Variants in ERC2 observed in about 807,000 individuals in gnomAD.
ERC2 encodes the protein ELKS/RAB6-interacting/CAST family member 2, also known as ERC protein 2.
ERC2 carries 42 observed loss-of-function variants against 114.8 expected under a neutral mutation model. That is an observed-to-expected ratio of 0.37 (90% CI 0.29 to 0.47). ERC2 has a LOEUF of 0.47. ERC2 is among the 20% of genes least tolerant of loss of function. The pLI is 0.99. For missense variants in ERC2, 939 were observed against 1,150.7 expected (o/e 0.82, Z 2.66); for synonymous variants, 454 against 425.5 (o/e 1.07, Z -0.82).
intron 8 of ERC2, among the ~76,000 whole-genome samples, chr3:56,015,589 A>G (rs2073250096): frequency 1.3e-5 from 2 of 152,016 alleles, no homozygotes; most frequent in Non-Finnish European, 2.9e-5. Flanking sequence ...TATGTACCAC[A>G]TTTTCTTTAT....
chr3:56,270,040 T>A (rs2053559408), intron 3 of ERC2, among the ~76,000 whole-genome samples: 1 of 147,504 alleles, frequency 6.8e-6, no homozygotes, highest in Admixed American at 7.0e-5. Flanking sequence ...AAGGCACAGA[T>A]ATCTCCTCCC....
intron 17 of ERC2, among the ~76,000 whole-genome samples, chr3:55,553,605 C>G (rs891413848): frequency 1.3e-5 from 2 of 151,908 alleles, no homozygotes; most frequent in African/African-American, 4.8e-5. Flanking sequence ...ATGGTGAAAC[C>G]CTGTCTCTAC....
chr3:56,056,583 G>C (rs1576739474), intron 7 of ERC2, among the ~76,000 whole-genome samples: 2 of 152,182 alleles, frequency 1.3e-5, no homozygotes, highest in South Asian at 4.1e-4. Context: ...CCTTGTGAGA[G>C]AGTTGGGGCC....
intron 5 of ERC2, among the ~76,000 whole-genome samples, chr3:56,144,899 C>G (rs970128382): frequency 6.6e-6 from 1 of 152,114 alleles, no homozygotes. Context: ...TCTTTTACAG[C>G]CATAAATTCC....
chr3:55,537,770 G>A (rs1386007730), intron 17 of ERC2, among the ~76,000 whole-genome samples: 1 of 150,126 alleles, frequency 6.7e-6, no homozygotes, highest in Non-Finnish European at 1.5e-5. Context: ...TCTGCATGGA[G>A]GACACAGGTC....
intron 7 of ERC2, 125 bp from the exon 8 acceptor site, chr3:56,019,156 T>C (rs1283188896): frequency 2.7e-6 from 2 of 749,496 alleles, no homozygotes; most frequent in East Asian, 2.7e-5. Flanking sequence ...TGTCAGTAGC[T>C]TTGACTTAGA....
chr3:56,212,798 C>CAT (rs2049158455), intron 3 of ERC2, among the ~76,000 whole-genome samples: 1 of 151,652 alleles, frequency 6.6e-6, no homozygotes, highest in Non-Finnish European at 1.5e-5. Context: ...TACATATACA[C>CAT]ACACACACAC....
intron 17 of ERC2, among the ~76,000 whole-genome samples, chr3:55,679,658 AT>A (rs561084434): frequency 3.6e-4 from 55 of 152,362 alleles, no homozygotes; most frequent in Admixed American, 9.8e-4. Flanking sequence ...TTAGTAGCCA[AT>A]GGCACAAGAA....
At chr3:55,522,908 G>A (rs1387540372) in intron 17 of ERC2, among the ~76,000 whole-genome samples, 1 of 152,240 alleles carries the variant, frequency 6.6e-6, no homozygotes, top group East Asian at 1.9e-4. Context: ...GGGAATTTCT[G>A]TGCTGCTTTT....
At chr3:56,029,866 C>T (rs994672731) in intron 7 of ERC2, among the ~76,000 whole-genome samples, 7 of 151,904 alleles carry the variant, frequency 4.6e-5, no homozygotes, top group African/African-American at 9.7e-5. Flanking sequence ...TACTTAGTTT[C>T]GGTTTATTTT....
chr3:55,892,845 T>A (rs186974691), intron 13 of ERC2, among the ~76,000 whole-genome samples: 2 of 152,312 alleles, frequency 1.3e-5, no homozygotes, highest in African/African-American at 4.8e-5. Context: ...CCACTCCTCA[T>A]CTTCCTAAAA....
chr3:56,077,067 A>T (rs1280401689), intron 7 of ERC2, among the ~76,000 whole-genome samples: 3 of 152,210 alleles, frequency 2.0e-5, no homozygotes, highest in Non-Finnish European at 4.4e-5. Context: ...AGCTTATGCT[A>T]TTCCAATCCA....
intron 2 of ERC2, among the ~76,000 whole-genome samples, chr3:56,410,861 T>C (rs1182011240): frequency 6.6e-6 from 1 of 152,090 alleles, no homozygotes; most frequent in Non-Finnish European, 1.5e-5. Flanking sequence ...TGTCTTCCAC[T>C]ATGTTCCCAA....
At chr3:56,203,457 G>T (rs2048520959) in intron 3 of ERC2, among the ~76,000 whole-genome samples, 1 of 152,122 alleles carries the variant, frequency 6.6e-6, no homozygotes, top group Non-Finnish European at 1.5e-5. Flanking sequence ...CAATTATTAA[G>T]TTATCGTATA....
intron 7 of ERC2, among the ~76,000 whole-genome samples, chr3:56,022,187 T>C (rs1176403989): frequency 6.6e-6 from 1 of 152,202 alleles, no homozygotes; most frequent in Non-Finnish European, 1.5e-5. Flanking sequence ...AGTAGATCTT[T>C]AAAAAGCAGA....
intron 14 of ERC2, among the ~76,000 whole-genome samples, chr3:55,823,366 G>C (rs538695911): frequency 6.6e-6 from 1 of 152,248 alleles, no homozygotes; most frequent in South Asian, 2.1e-4. Flanking sequence ...TTCACCTCTT[G>C]TCTTTGTTAT....
At chr3:56,014,448 T>A (rs566087373) in intron 8 of ERC2, among the ~76,000 whole-genome samples, 3 of 152,066 alleles carry the variant, frequency 2.0e-5, no homozygotes, top group South Asian at 4.2e-4. Context: ...AACTTAGAGG[T>A]CAGCTAATAA....
intron 14 of ERC2, among the ~76,000 whole-genome samples, chr3:55,845,721 C>G (rs187089244): frequency 5.9e-5 from 9 of 152,268 alleles, no homozygotes; most frequent in African/African-American, 2.2e-4. Context: ...AGTCCATTGG[C>G]GTATAATGAA....
chr3:55,816,499 T>C (rs1319459775), intron 14 of ERC2, among the ~76,000 whole-genome samples: 1 of 152,176 alleles, frequency 6.6e-6, no homozygotes, highest in African/African-American at 2.4e-5. Flanking sequence ...ATGATGGTAA[T>C]AAATCCAAAG....
Sources: gnomAD v4.1 joint callset for allele counts (sites outside exome capture counted in the v4.1 genomes callset) on GRCh38, gnomAD v4.1.1 for gene constraint, MANE v1.5 for transcripts, NCBI Gene and HGNC (gene_info 2026-07-23, HGNC 2026-07-21) for gene names.